IL15: variants seen among roughly 807,000 people sequenced by gnomAD.
IL15 encodes interleukin-15.
In IL15, 11 loss-of-function variants were observed where a neutral mutation model predicts 19.6. The ratio of observed to expected loss-of-function variants is 0.56; its 90% confidence interval spans 0.35 to 0.93. IL15 has a LOEUF of 0.93. Among genes scored for constraint, IL15 ranks in the 40% least tolerant of loss-of-function variants. IL15 has a pLI of 0.01. For synonymous variants in IL15, 58 were observed against 59.6 expected (o/e 0.97, Z 0.12); for missense variants, 197 against 186.5 (o/e 1.06, Z -0.33).
chr4:141,646,062 C>A (rs80286720), intron 1 of IL15, among the ~76,000 whole-genome samples: 1 of 151,962 alleles, frequency 6.6e-6, no homozygotes, highest in East Asian at 1.9e-4. Context: ...GAAGGGGAGA[C>A]GACATAGATT....
At chr4:141,731,958 A>G (rs952669753) in intron 7 of IL15, among the ~76,000 whole-genome samples, 3 of 152,230 alleles carry the variant, frequency 2.0e-5, no homozygotes, top group Non-Finnish European at 4.4e-5. Flanking sequence ...TAAATGGCTC[A>G]GTTCAACCAA....
At chr4:141,695,049 A>T (rs1729046369) in intron 2 of IL15, among the ~76,000 whole-genome samples, 1 of 152,170 alleles carries the variant, frequency 6.6e-6, no homozygotes, top group Admixed American at 6.5e-5. Flanking sequence ...CCACACAAAT[A>T]GTTCCTCAAT....
intron 2 of IL15, among the ~76,000 whole-genome samples, chr4:141,661,415 C>T (rs1246725001): frequency 6.6e-6 from 1 of 152,020 alleles, no homozygotes; most frequent in Non-Finnish European, 1.5e-5. Flanking sequence ...GAGAGAAATG[C>T]ATTGGAAGGA....
At chr4:141,705,379 T>A (rs1297123447) in intron 2 of IL15, among the ~76,000 whole-genome samples, 1 of 152,068 alleles carries the variant, frequency 6.6e-6, no homozygotes, top group East Asian at 1.9e-4. Flanking sequence ...TATGTATTTT[T>A]AAATTTTCTG....
chr4:141,655,675 G>A (rs1031372273), intron 1 of IL15, among the ~76,000 whole-genome samples: 4 of 151,940 alleles, frequency 2.6e-5, no homozygotes, highest in Non-Finnish European at 4.4e-5. Context: ...TTATACCCCC[G>A]AATCACATAT....
At chr4:141,702,928 C>T (rs574880857) in intron 2 of IL15, among the ~76,000 whole-genome samples, 8 of 152,140 alleles carry the variant, frequency 5.3e-5, no homozygotes, top group African/African-American at 1.7e-4. Context: ...TGGGGCCTGC[C>T]GCAGCCACTG....
chr4:141,663,872 G>A (rs1331807100), intron 2 of IL15, among the ~76,000 whole-genome samples: 1 of 152,188 alleles, frequency 6.6e-6, no homozygotes, highest in Admixed American at 6.5e-5. Context: ...ATGAGGCTGA[G>A]AGGAGAGAGT....
intron 5 of IL15, among the ~76,000 whole-genome samples, chr4:141,724,415 G>T (rs1730192046): frequency 6.6e-6 from 1 of 151,866 alleles, no homozygotes; most frequent in Non-Finnish European, 1.5e-5. Context: ...GAAACTAGAA[G>T]AAGTAGAGCA....
At chr4:141,703,821 T>G (rs1414194244) in intron 2 of IL15, among the ~76,000 whole-genome samples, 1 of 152,134 alleles carries the variant, frequency 6.6e-6, no homozygotes, top group East Asian at 1.9e-4. Flanking sequence ...TAATTTTTTG[T>G]AGCCATTGTA....
rs1727596070 is a variant in IL15, at chr4:141,656,310, A to G, written c.-100+3A>G. On this transcript the variant is annotated splice_donor_region_variant and intron_variant, in intron 2 of 7. Transcript: ENST00000320650. Reference sequence around the variant, plus strand: ...ATAGCCAGCCCATACAAGATCGTGTAAGTAAAGTTTTAAAAGTTTTATCAT... The same window carrying G: ...ATAGCCAGCCCATACAAGATCGTGTGAGTAAAGTTTTAAAAGTTTTATCAT... The G allele has an allele frequency of 2.5e-6, 1 of 398,184 alleles. No individual in the cohort carries two copies. Among genetic ancestry groups the G allele is most frequent in the South Asian group, 1.3e-4 (1 of 7,826 alleles). 24.7% of individuals were successfully genotyped at this position (398,184 alleles called of 1,614,324 possible).
chr4:141,722,140 A>G (rs1384186469), intron 5 of IL15, 132 bp downstream of exon 5: 22 of 1,181,440 alleles, frequency 1.9e-5, no homozygotes, highest in Non-Finnish European at 1.9e-5. Context: ...ATGATCTTAT[A>G]AAGCTCAAAA....
intron 2 of IL15, among the ~76,000 whole-genome samples, chr4:141,710,221 C>A (rs1001415609): frequency 1.3e-5 from 2 of 152,124 alleles, no homozygotes; most frequent in African/African-American, 4.8e-5. Flanking sequence ...AGGATACCCT[C>A]TATTAGTGGG....
intron 2 of IL15, among the ~76,000 whole-genome samples, chr4:141,693,135 C>G (rs1405675810): frequency 6.7e-6 from 1 of 149,916 alleles, no homozygotes; most frequent in African/African-American, 2.4e-5. Flanking sequence ...AACTTACAAT[C>G]ATGGCAGAAG....
intron 2 of IL15, among the ~76,000 whole-genome samples, chr4:141,664,384 C>A: frequency 6.7e-6 from 1 of 148,708 alleles, no homozygotes; most frequent in Non-Finnish European, 1.5e-5. Context: ...CACACACACA[C>A]ACACACAAAA....
At chr4:141,731,600 G>T (rs1361122976) in intron 7 of IL15, among the ~76,000 whole-genome samples, 1 of 152,114 alleles carries the variant, frequency 6.6e-6, no homozygotes, top group African/African-American at 2.4e-5. Flanking sequence ...GGAATGCGTG[G>T]GCAGGACTGC....
rs761348755 is a variant in IL15 at position 141,720,499 on chromosome 4, T to G, written c.43T>G (p.Cys15Gly). The G allele has an allele frequency of 1.4e-4, 224 of 1,592,964 alleles. No individual in the cohort carries two copies. The highest frequency in any genetic ancestry group is 1.8e-4 in the Non-Finnish European group (213 of 1,161,464). ...ACATTTGAGAAGTATTTCCATCCAG[T>G]GCTACTTGTGTTTACTTCTAAACAG... ...KPHLRSISIQ[C>G]YLCLLLNSHF... Residue 15 changes from cysteine to glycine, a missense_variant, in exon 4 of 8, where the codon TGC (cysteine) becomes GGC (glycine). Coordinates refer to ENST00000320650, the MANE Select transcript of IL15 (RefSeq NM_000585.5).
At chr4:141,670,107 T>A (rs759524629) in intron 2 of IL15, among the ~76,000 whole-genome samples, 2 of 151,656 alleles carry the variant, frequency 1.3e-5, no homozygotes, top group Non-Finnish European at 2.9e-5. Context: ...ATAGATTCAA[T>A]AAAATTAATA....
At chr4:141,726,526 A>C (rs1310710712) in intron 5 of IL15, among the ~76,000 whole-genome samples, 1 of 152,188 alleles carries the variant, frequency 6.6e-6, no homozygotes, top group Admixed American at 6.5e-5. Context: ...GCACTGTATA[A>C]AATAGTTTGG....
intron 2 of IL15, among the ~76,000 whole-genome samples, chr4:141,661,913 G>T (rs62327421): frequency 0.032 from 4,912 of 152,016 alleles, 95 homozygotes; most frequent in Middle Eastern, 0.054. Flanking sequence ...TGTCTTACCC[G>T]TCATACCTTT....
Sources: allele counts gnomAD v4.1 joint callset (sites outside exome capture counted in the v4.1 genomes callset), GRCh38; gene constraint gnomAD v4.1.1; transcripts MANE v1.5; gene names NCBI Gene and HGNC (gene_info 2026-07-23, HGNC 2026-07-21).